GSR: variants seen among roughly 807,000 people sequenced by gnomAD.
The protein encoded by GSR is glutathione-disulfide reductase.
GSR carries 48 observed loss-of-function variants against 56.5 expected under a neutral mutation model. The observed-to-expected ratio is 0.85, with a 90% CI of 0.67 to 1.08. GSR has a LOEUF of 1.08. Among genes scored for constraint, GSR ranks in the 50% least tolerant of loss-of-function variants. The pLI is 0.00. For synonymous variants in GSR, 264 were observed against 270.8 expected, an observed-to-expected ratio of 0.97 and a Z score of 0.25; for missense variants, 694 against 703.3, an observed-to-expected ratio of 0.99 and a Z score of 0.15.
At chr8:30,720,166 T>C (rs1804482792) in intron 1 of GSR, among the ~76,000 whole-genome samples, 1 of 152,008 alleles carries the variant, frequency 6.6e-6, no homozygotes, top group Non-Finnish European at 1.5e-5. Flanking sequence ...ATGAGCTATA[T>C]TGCACCACTG....
chr8:30,714,202 C>CTTTTTTTTTTTTTTTTTTTTTTTT, intron 1 of GSR, among the ~76,000 whole-genome samples: 1 of 63,960 alleles, frequency 1.6e-5, no homozygotes, highest in Non-Finnish European at 2.7e-5. Flanking sequence ...GTTCTATATG[C>CTTTTTTTTTTTTTTTTTTTTTTTT]TTTTTTTTTT....
chr8:30,695,079 T>A (rs1054777929), intron 7 of GSR, among the ~76,000 whole-genome samples: 3 of 151,086 alleles, frequency 2.0e-5, no homozygotes, highest in African/African-American at 7.3e-5. Context: ...AAAAAAAAAA[T>A]TTCAAGTGTA....
chr8:30,694,897 CA>C (rs780570686), intron 7 of GSR, among the ~76,000 whole-genome samples: 154 of 100,018 alleles, frequency 1.5e-3, no homozygotes, highest in African/African-American at 2.8e-3. Flanking sequence ...GACTCTGTCT[CA>C]AAAAAAAAAA....
At position 30,679,479 on chromosome 8, in the gene GSR, A is replaced by T. The variant is rs1227267758; in HGVS notation, c.*41T>A. On this transcript the variant is annotated 3_prime_UTR_variant, in exon 13 of 13. Coordinates refer to ENST00000221130, the MANE Select transcript of GSR (RefSeq NM_000637.5). Reference sequence around the variant, plus strand: ...GTGATTATTTGTTTCATTTCAGAAGATCTATGGGTCCCACTGCCCGCCACA... The same window carrying T: ...GTGATTATTTGTTTCATTTCAGAAGTTCTATGGGTCCCACTGCCCGCCACA... 1 of 1,587,458 alleles carries T rather than the reference A, an allele frequency of 6.3e-7. No homozygotes were observed. The highest frequency in any genetic ancestry group is 8.7e-7 in the Non-Finnish European group (1 of 1,155,940).
At chr8:30,700,287 A>C (rs2032471384) in intron 5 of GSR, 152 bp from the exon 6 acceptor site, 1 of 698,016 alleles carries the variant, frequency 1.4e-6, no homozygotes, top group Non-Finnish European at 2.6e-6. Flanking sequence ...GAAAGCTGCC[A>C]ACCAAATCCT....
chr8:30,694,861 G>A (rs1255937896), intron 7 of GSR, among the ~76,000 whole-genome samples: 7 of 136,578 alleles, frequency 5.1e-5, no homozygotes, highest in East Asian at 2.2e-4. Flanking sequence ...ATGTGCCACC[G>A]CACTCTAGCC....
At chr8:30,702,771 T>C (rs1450514057) in intron 5 of GSR, among the ~76,000 whole-genome samples, 1 of 152,160 alleles carries the variant, frequency 6.6e-6, no homozygotes, top group East Asian at 1.9e-4. Flanking sequence ...ACCCCATCTC[T>C]ACTAAAAATA....
intron 11 of GSR, among the ~76,000 whole-genome samples, chr8:30,681,482 G>A (rs1190923690): frequency 6.6e-6 from 1 of 151,838 alleles, no homozygotes; most frequent in Non-Finnish European, 1.5e-5. Context: ...CAGAGATCGT[G>A]CCACTGCACT....
chr8:30,692,353 C>T (rs1374326339), intron 8 of GSR, among the ~76,000 whole-genome samples: 5 of 151,328 alleles, frequency 3.3e-5, no homozygotes, highest in East Asian at 3.9e-4. Flanking sequence ...TGCGCCACCA[C>T]GCCCAGCTAA....
intron 7 of GSR, among the ~76,000 whole-genome samples, 198 bp from the exon 8 acceptor site, chr8:30,693,253 C>T (rs552095578): frequency 6.6e-6 from 1 of 152,272 alleles, no homozygotes; most frequent in East Asian, 1.9e-4. Flanking sequence ...CATATGACTT[C>T]ACCAACTCCT....
Position 30,692,999 on chromosome 8 carries a change from G to A in GSR, c.852C>T (p.Asn284=), listed in dbSNP as rs755193483. The change falls in exon 8 of 13, where the codon AAC becomes AAT. Residue 284 remains asparagine (N), a synonymous_variant. Transcript: ENST00000221130. ...AGAACTTCAGCACCTCCACGCCAGC[G>A]TTCTCCAGCTCCTCCGTGCAGTTGG... ...ISTNCTEELE[N]AGVEVLKFSQ... The A allele has an allele frequency of 2.9e-5, 46 of 1,612,640 alleles. 1 individual carries two copies. Among genetic ancestry groups the A allele is most frequent in the African/African-American group, 2.0e-4 (15 of 74,884 alleles).
chr8:30,723,516 C>T (rs1043091666), intron 1 of GSR, among the ~76,000 whole-genome samples: 47 of 151,836 alleles, frequency 3.1e-4, no homozygotes, highest in Admixed American at 1.2e-3. Flanking sequence ...ACATGCCAGA[C>T]GCGGTGGCTC....
At chr8:30,700,722 CCAAAAAAAAAA>C (rs1316171616) in intron 5 of GSR, among the ~76,000 whole-genome samples, 1 of 8,424 alleles carries the variant, frequency 1.2e-4, no homozygotes, top group African/African-American at 1.7e-4. Flanking sequence ...GATTTTGTCT[CCAAAAAAAAAA>C]AAAAAAAAAA....
At chr8:30,711,791 C>T (rs964962148) in intron 2 of GSR, among the ~76,000 whole-genome samples, 10 of 151,960 alleles carry the variant, frequency 6.6e-5, no homozygotes, top group Non-Finnish European at 1.5e-4. Context: ...CAAGATCGCG[C>T]CACTGTACTC....
chr8:30,697,944 G>A (rs1331114497), intron 6 of GSR, among the ~76,000 whole-genome samples: 1 of 152,072 alleles, frequency 6.6e-6, no homozygotes, highest in African/African-American at 2.4e-5. Flanking sequence ...GCTCGCCTCA[G>A]GCCTCCCAAA....
chr8:30,701,746 T>C (rs1258054766), intron 5 of GSR, among the ~76,000 whole-genome samples: 2 of 137,338 alleles, frequency 1.5e-5, no homozygotes, highest in African/African-American at 2.8e-5. Context: ...TGAGTGGAGA[T>C]TGCGCCACTG....
intron 8 of GSR, among the ~76,000 whole-genome samples, chr8:30,690,019 T>C (rs1421233883): frequency 1.4e-5 from 2 of 140,044 alleles, no homozygotes; most frequent in Non-Finnish European, 3.1e-5. Context: ...TATTATATAA[T>C]ACGTATATTT....
intron 1 of GSR, among the ~76,000 whole-genome samples, chr8:30,723,666 C>T (rs1236878385): frequency 1.3e-5 from 2 of 151,962 alleles, no homozygotes; most frequent in African/African-American, 4.8e-5. Context: ...GTGGCCTGCG[C>T]CTGTAGTCCC....
chr8:30,711,118 C>A (rs1125853), intron 2 of GSR, among the ~76,000 whole-genome samples: 4 of 151,982 alleles, frequency 2.6e-5, no homozygotes, highest in Non-Finnish European at 5.9e-5. Flanking sequence ...ACCTATACCA[C>A]GGAAAAGACT....
Sources: allele counts gnomAD v4.1 joint callset (sites outside exome capture counted in the v4.1 genomes callset), GRCh38; gene constraint gnomAD v4.1.1; transcripts MANE v1.5; gene names NCBI Gene and HGNC (gene_info 2026-07-23, HGNC 2026-07-21).